C1orf94: variants seen among roughly 807,000 people sequenced by gnomAD.
The protein encoded by C1orf94 is uncharacterized protein C1orf94.
Under a neutral mutation model 53.6 loss-of-function variants are expected in C1orf94, and 45 were observed. The ratio of observed to expected loss-of-function variants is 0.84; its 90% CI spans 0.66 to 1.08. The LOEUF (loss-of-function observed/expected upper bound fraction) is 1.08. Ranked by LOEUF, C1orf94 falls within the 50% of genes least tolerant of loss-of-function variation. The pLI, the probability that C1orf94 is intolerant of heterozygous loss-of-function variation, is 0.00. For synonymous variants in C1orf94, 304 were observed against 296.1 expected (o/e 1.03, Z -0.27); for missense variants, 762 against 738.9 (o/e 1.03, Z -0.36).
Position 34,177,764 on chromosome 1 carries a change from C to CCTCCCTTTCTG in C1orf94, c.-25_-24insTCCCTTTCTGC. The CCTCCCTTTCTG allele has an allele frequency of 6.6e-7, 1 of 1,510,190 alleles. No homozygotes were observed. Among genetic ancestry groups the CCTCCCTTTCTG allele is most frequent in the Non-Finnish European group, 8.9e-7 (1 of 1,122,654 alleles). 93.5% of individuals were successfully genotyped at this position (1,510,190 alleles called of 1,614,324 possible). On this transcript the variant is annotated 5_prime_UTR_variant, in exon 1 of 7. Coordinates refer to ENST00000488417, the MANE Select transcript of C1orf94 (RefSeq NM_001134734.2). ...CAGAACTGACCCACTTCTGCCAAGC[C>CCTCCCTTTCTG]CCATCCTCATCTCCCTTTCTGGTGA... is the stretch of plus-strand genomic sequence containing the variant.
chr1:34,210,701 C>G (rs1273124226), intron 5 of C1orf94, among the ~76,000 whole-genome samples: 1 of 151,854 alleles, frequency 6.6e-6, no homozygotes, highest in African/African-American at 2.4e-5. Flanking sequence ...GTTGCCCAGG[C>G]TGGAGTGCAG....
chr1:34,190,495 T>C (rs1221667669), intron 1 of C1orf94, among the ~76,000 whole-genome samples: 1 of 152,206 alleles, frequency 6.6e-6, no homozygotes, highest in East Asian at 1.9e-4. Flanking sequence ...CACATGCTGT[T>C]CCCTGTGTCT....
upstream of C1orf94, among the ~76,000 whole-genome samples, chr1:34,174,829 G>A (rs959740062): frequency 6.6e-6 from 1 of 152,174 alleles, no homozygotes; most frequent in African/African-American, 2.4e-5. Context: ...ACTTGCCTAA[G>A]CTTACATTGC....
At chr1:34,207,262 GGTGT>G (rs58794132) in intron 4 of C1orf94, among the ~76,000 whole-genome samples, 54,968 of 147,104 alleles carry the variant, frequency 0.37, 10,740 homozygotes, top group South Asian at 0.57. Context: ...AGTTCTGCGG[GGTGT>G]GTGTGTGTGT....
upstream of C1orf94, among the ~76,000 whole-genome samples, chr1:34,175,826 G>T (rs529999561): frequency 6.6e-6 from 1 of 152,022 alleles, no homozygotes; most frequent in Non-Finnish European, 1.5e-5. Flanking sequence ...GACCACCATG[G>T]AATATTGCCT....
At chr1:34,199,876 TC>T (rs1642669942) in intron 2 of C1orf94, among the ~76,000 whole-genome samples, 1 of 152,162 alleles carries the variant, frequency 6.6e-6, no homozygotes, top group Non-Finnish European at 1.5e-5. Flanking sequence ...CATGCCTTCC[TC>T]CCCAATACCC....
chr1:34,179,713 T>C (rs1325241919), intron 1 of C1orf94, among the ~76,000 whole-genome samples: 1 of 152,196 alleles, frequency 6.6e-6, no homozygotes, highest in Non-Finnish European at 1.5e-5. Flanking sequence ...TCTTAACATG[T>C]ACTTCTTCAG....
At position 34,177,881 on chromosome 1, in the gene C1orf94, C is replaced by G; in HGVS notation, c.92C>G (p.Pro31Arg). ...AGGATGGCCAGCGGGAATGGGCTTC[C>G]TTCATCCTCGGCCCTGGTGGCCAAG... ...RRRMASGNGL[P>R]SSSALVAKGP... is the part of the protein sequence containing the mutation. Residue 31 changes from proline to arginine, a missense_variant, in exon 1 of 7, where the codon CCT becomes CGT. Pro to Arg is a moderately radical substitution (Grantham distance 103). Coordinates refer to ENST00000488417, the MANE Select transcript of C1orf94 (RefSeq NM_001134734.2). 1 of 1,551,596 alleles carries G rather than the reference C, an allele frequency of 6.4e-7. No homozygotes were observed. Among genetic ancestry groups the G allele is most frequent in the Non-Finnish European group, 8.7e-7 (1 of 1,146,906 alleles).
At chr1:34,199,269 G>C (rs1261193240) in intron 2 of C1orf94, among the ~76,000 whole-genome samples, 1 of 152,218 alleles carries the variant, frequency 6.6e-6, no homozygotes, top group African/African-American at 2.4e-5. Context: ...TAAGGCATCT[G>C]TAAATATGAG....
At chr1:34,192,447 C>A (rs1193410494) in intron 1 of C1orf94, among the ~76,000 whole-genome samples, 1 of 152,134 alleles carries the variant, frequency 6.6e-6, no homozygotes, top group Non-Finnish European at 1.5e-5. Flanking sequence ...CAAAGCCAGA[C>A]AGGTTGCAAC....
intron 1 of C1orf94, among the ~76,000 whole-genome samples, chr1:34,184,098 G>C (rs559090006): frequency 7.9e-5 from 12 of 152,282 alleles, no homozygotes; most frequent in African/African-American, 2.9e-4. Flanking sequence ...ACTTAGGGAA[G>C]TCTTCCTCTG....
At chr1:34,192,848 T>A (rs1557481723) in intron 1 of C1orf94, among the ~76,000 whole-genome samples, 1 of 152,102 alleles carries the variant, frequency 6.6e-6, no homozygotes, top group Non-Finnish European at 1.5e-5. Context: ...CGGGCTGGAA[T>A]GAACTTAGCA....
chr1:34,187,959 G>A (rs1642413775), intron 1 of C1orf94, among the ~76,000 whole-genome samples: 1 of 152,026 alleles, frequency 6.6e-6, no homozygotes, highest in South Asian at 2.1e-4. Flanking sequence ...GCATCTAGAG[G>A]GACATTCTCA....
intron 5 of C1orf94, among the ~76,000 whole-genome samples, chr1:34,210,520 C>T (rs1642871918): frequency 6.6e-6 from 1 of 152,240 alleles, no homozygotes; most frequent in African/African-American, 2.4e-5. Context: ...CTTCACTTCT[C>T]TGAACCTCAG....
intron 2 of C1orf94, among the ~76,000 whole-genome samples, chr1:34,199,894 G>A (rs1415542516): frequency 1.3e-5 from 2 of 152,182 alleles, no homozygotes; most frequent in African/African-American, 4.8e-5. Context: ...ACCCCTGGAT[G>A]TAAGGCCTCG....
intron 1 of C1orf94, among the ~76,000 whole-genome samples, chr1:34,187,147 T>C (rs1642396369): frequency 6.6e-6 from 1 of 152,206 alleles, no homozygotes; most frequent in Non-Finnish European, 1.5e-5. Context: ...TGCCAGGCTC[T>C]ATATTTTCAT....
At chr1:34,215,634 T>C (rs1642972332) in intron 6 of C1orf94, among the ~76,000 whole-genome samples, 1 of 152,122 alleles carries the variant, frequency 6.6e-6, no homozygotes, top group Admixed American at 6.5e-5. Flanking sequence ...GTTGAATGTG[T>C]GATGAGGGAA....
intron 1 of C1orf94, among the ~76,000 whole-genome samples, chr1:34,169,214 A>G (rs1196776009): frequency 6.6e-6 from 1 of 152,132 alleles, no homozygotes; most frequent in Admixed American, 6.5e-5. Flanking sequence ...AAAGGCAGAG[A>G]TGGGGACCCT....
chr1:34,208,107 C>A, intron 4 of C1orf94, 50 bp from the exon 5 acceptor site: 1 of 1,582,042 alleles, frequency 6.3e-7, no homozygotes, highest in Non-Finnish European at 8.7e-7. Context: ...CTGATGCCTT[C>A]TGGCAGGAAA....
Sources: allele counts gnomAD v4.1 joint callset (sites outside exome capture counted in the v4.1 genomes callset), GRCh38; gene constraint gnomAD v4.1.1; transcripts MANE v1.5; gene names NCBI Gene and HGNC (gene_info 2026-07-23, HGNC 2026-07-21).